The following IL1RAPL2 variants were observed in gnomAD, a reference collection of about 807,000 sequenced individuals.
IL1RAPL2 encodes the protein X-linked interleukin-1 receptor accessory protein-like 2.
Under a neutral mutation model 44.1 loss-of-function variants are expected in IL1RAPL2, and 3 were observed. That is an observed-to-expected ratio of 0.07 (90% CI 0.03 to 0.18). The LOEUF is 0.18. IL1RAPL2 is among the 10% of genes least tolerant of loss of function. The pLI is 1.00. For missense variants in IL1RAPL2, 391 were observed against 496.4 expected, an observed-to-expected ratio of 0.79 and a Z score of 2.02; for synonymous variants, 181 against 178.8, an observed-to-expected ratio of 1.01 and a Z score of -0.10.
intron 6 of IL1RAPL2, among the ~76,000 whole-genome samples, chrX:105,546,032 G>A (rs753049019): frequency 7.2e-5 from 8 of 111,364 alleles, no homozygotes; most frequent in Non-Finnish European, 1.3e-4. Flanking sequence ...CAACACGGTT[G>A]GGCATGGGTG....
At chrX:104,904,315 ATTATAC>A (rs1417498966) in intron 2 of IL1RAPL2, among the ~76,000 whole-genome samples, 1 of 109,109 alleles carries the variant, frequency 9.2e-6, no homozygotes, top group Non-Finnish European at 1.9e-5. Context: ...TTTTCTCATT[ATTATAC>A]TTTAAGTTTT....
chrX:105,368,856 G>T (rs140271306), intron 5 of IL1RAPL2, among the ~76,000 whole-genome samples: 3 of 109,638 alleles, frequency 2.7e-5, no homozygotes, highest in Non-Finnish European at 5.7e-5. Flanking sequence ...AAATCCCTTG[G>T]GCTGTCTTTA....
At chrX:104,858,982 C>G (rs891658957) in intron 2 of IL1RAPL2, among the ~76,000 whole-genome samples, 1 of 111,943 alleles carries the variant, frequency 8.9e-6, no homozygotes, top group African/African-American at 3.2e-5. Flanking sequence ...GACTCTGAAA[C>G]AGTAATATGG....
chrX:105,095,637 T>A (rs1010133193), intron 2 of IL1RAPL2, among the ~76,000 whole-genome samples: 11 of 111,854 alleles, frequency 9.8e-5, no homozygotes, highest in Admixed American at 6.7e-4. Flanking sequence ...AACAGCTGGA[T>A]ATCCACATGC....
intron 2 of IL1RAPL2, among the ~76,000 whole-genome samples, chrX:105,047,755 A>G (rs2031860356): frequency 8.9e-6 from 1 of 111,884 alleles, no homozygotes; most frequent in Non-Finnish European, 1.9e-5. Flanking sequence ...CATACCTTTG[A>G]AAAGAGATAT....
At chrX:105,027,058 A>G (rs2031385867) in intron 2 of IL1RAPL2, among the ~76,000 whole-genome samples, 1 of 111,452 alleles carries the variant, frequency 9.0e-6, no homozygotes, top group Admixed American at 9.6e-5. Flanking sequence ...AAGATGCCAA[A>G]AGCATACACT....
At chrX:104,932,860 G>A (rs1481894217) in intron 2 of IL1RAPL2, among the ~76,000 whole-genome samples, 1 of 112,173 alleles carries the variant, frequency 8.9e-6, no homozygotes, top group Admixed American at 9.5e-5. Flanking sequence ...AAAGTTTGCT[G>A]CCAGGCTTCT....
chrX:104,679,506 C>G (rs902285850), intron 2 of IL1RAPL2, among the ~76,000 whole-genome samples: 1 of 112,052 alleles, frequency 8.9e-6, no homozygotes, highest in African/African-American at 3.2e-5. Flanking sequence ...GTTCCGTTTC[C>G]TGGGTAATCT....
At chrX:105,433,444 T>A in intron 5 of IL1RAPL2, among the ~76,000 whole-genome samples, 1 of 111,552 alleles carries the variant, frequency 9.0e-6, no homozygotes, top group Non-Finnish European at 1.9e-5. Context: ...CTATGTCCTC[T>A]AATATTCCTT....
intron 2 of IL1RAPL2, among the ~76,000 whole-genome samples, chrX:104,954,028 C>T (rs1925650029): frequency 8.9e-6 from 1 of 111,882 alleles, no homozygotes; most frequent in Non-Finnish European, 1.9e-5. Flanking sequence ...GACAGTTATG[C>T]TGAAGACAGA....
intron 6 of IL1RAPL2, among the ~76,000 whole-genome samples, chrX:105,659,329 C>A (rs2037701311): frequency 9.0e-6 from 1 of 110,929 alleles, no homozygotes; most frequent in South Asian, 3.8e-4. Flanking sequence ...ATGCAGAGTC[C>A]TATCAGATAA....
intron 5 of IL1RAPL2, among the ~76,000 whole-genome samples, chrX:105,419,915 T>G (rs2035761970): frequency 8.9e-6 from 1 of 111,865 alleles, no homozygotes; most frequent in Non-Finnish European, 1.9e-5. Flanking sequence ...GCAAAAAATT[T>G]TTCAGCTTGT....
At chrX:104,967,288 T>TA (rs1214311993) in intron 2 of IL1RAPL2, among the ~76,000 whole-genome samples, 1 of 111,384 alleles carries the variant, frequency 9.0e-6, no homozygotes, top group Non-Finnish European at 1.9e-5. Flanking sequence ...TAGAAAAATT[T>TA]AAAATATACA....
chrX:105,613,885 T>C (rs1405117846), intron 6 of IL1RAPL2, among the ~76,000 whole-genome samples: 1 of 111,189 alleles, frequency 9.0e-6, no homozygotes, highest in East Asian at 2.9e-4. Flanking sequence ...ATGACACCTC[T>C]GGGCATGCAT....
At chrX:105,143,155 A>G (rs754855612) in intron 2 of IL1RAPL2, among the ~76,000 whole-genome samples, 111 of 111,571 alleles carry the variant, frequency 9.9e-4, no homozygotes, top group African/African-American at 3.4e-3. Flanking sequence ...GAGTGAACAG[A>G]CAAGCTACAG....
intron 2 of IL1RAPL2, among the ~76,000 whole-genome samples, chrX:104,916,482 G>T (rs1924437850): frequency 9.0e-6 from 1 of 111,394 alleles, no homozygotes; most frequent in Non-Finnish European, 1.9e-5. Context: ...AGACGATGGG[G>T]TTTTCTAGAT....
At position 104,806,759 on chromosome X, in the gene IL1RAPL2, A is replaced by G. The variant is rs368901318; in HGVS notation, c.82+147764A>G. Among the ~76,000 whole-genome samples the G allele has an allele frequency of 3.8e-4, 43 of 112,053 alleles. 3 individuals are homozygous for G. Among genetic ancestry groups the G allele is most frequent in the Admixed American group, 2.7e-3 (29 of 10,568 alleles). On this transcript the variant is annotated intron_variant, in intron 2 of 10. Coordinates refer to ENST00000372582, the MANE Select transcript of IL1RAPL2 (RefSeq NM_017416.2). ...GGCTGCTGCTGCTGAGGTTGGGGAT[A>G]GTTTCCTGAGAATGGTATACCTGAG...
chrX:104,658,836 GT>G, intron 1 of IL1RAPL2, 58 bp from the exon 2 acceptor site: 2 of 749,176 alleles, frequency 2.7e-6, no homozygotes, highest in Admixed American at 5.0e-5. Context: ...TATAGGTGTG[GT>G]TTTGTTGAGG....
At chrX:105,263,166 T>C (rs898487103) in intron 4 of IL1RAPL2, among the ~76,000 whole-genome samples, 2 of 110,934 alleles carry the variant, frequency 1.8e-5, no homozygotes, top group Non-Finnish European at 3.8e-5. Flanking sequence ...ATTACAGGCA[T>C]GAGTCACTGC....
Sources: allele counts gnomAD v4.1 joint callset (sites outside exome capture counted in the v4.1 genomes callset), GRCh38; gene constraint gnomAD v4.1.1; transcripts MANE v1.5; gene names NCBI Gene and HGNC (gene_info 2026-07-23, HGNC 2026-07-21).